NTM: variants seen among roughly 807,000 people sequenced by gnomAD.
NTM encodes neurotrimin.
In NTM, 13 loss-of-function variants were observed where a neutral mutation model predicts 42.1. The ratio of observed to expected loss-of-function variants is 0.31; its 90% CI spans 0.20 to 0.49. NTM has a LOEUF of 0.49. Ranked by LOEUF, NTM falls within the 20% of genes least tolerant of loss-of-function variation. NTM has a pLI of 0.99. For synonymous variants in NTM, 187 were observed against 179.2 expected, an observed-to-expected ratio of 1.04 and a Z score of -0.35; for missense variants, 373 against 452.8, an observed-to-expected ratio of 0.82 and a Z score of 1.60.
At chr11:132,267,957 A>C (rs1313814713) in intron 4 of NTM, among the ~76,000 whole-genome samples, 2 of 152,164 alleles carry the variant, frequency 1.3e-5, no homozygotes, top group African/African-American at 4.8e-5. Context: ...AAATAAACTA[A>C]TAGAAAGAAA....
chr11:131,558,986 T>C (rs2136979625), intron 1 of NTM, among the ~76,000 whole-genome samples: 1 of 152,322 alleles, frequency 6.6e-6, no homozygotes, highest in African/African-American at 2.4e-5. Context: ...TTAGTGAATT[T>C]CAATAATAGA....
At chr11:132,212,593 C>T (rs557636715) in intron 4 of NTM, among the ~76,000 whole-genome samples, 3 of 152,288 alleles carry the variant, frequency 2.0e-5, no homozygotes, top group East Asian at 1.9e-4. Flanking sequence ...AATCTGGTCA[C>T]GAGCTGTTTT....
At chr11:131,795,891 G>C (rs771022302) in intron 1 of NTM, 107 of 980,956 alleles carry the variant, frequency 1.1e-4, no homozygotes, top group Admixed American at 6.8e-4. Flanking sequence ...GCCTTGTCTA[G>C]TGTGGAGGGA....
chr11:131,754,733 A>G (rs2083097290), intron 1 of NTM, among the ~76,000 whole-genome samples: 1 of 152,242 alleles, frequency 6.6e-6, no homozygotes. Context: ...AGACTTGTAC[A>G]CAAATGTTCA....
At chr11:132,295,198 C>CT (rs1351333518) in intron 4 of NTM, among the ~76,000 whole-genome samples, 1 of 152,000 alleles carries the variant, frequency 6.6e-6, no homozygotes, top group African/African-American at 2.4e-5. Context: ...AATATACCCA[C>CT]TGTTTTCTTA....
chr11:131,507,602 T>G (rs1305514223), intron 1 of NTM, among the ~76,000 whole-genome samples: 1 of 150,456 alleles, frequency 6.6e-6, no homozygotes, highest in Non-Finnish European at 1.5e-5. Context: ...AGAAAGTCAT[T>G]GGTAGCTTGA....
intron 1 of NTM, among the ~76,000 whole-genome samples, chr11:131,544,816 T>C (rs886300132): frequency 6.6e-6 from 1 of 152,202 alleles, no homozygotes; most frequent in Non-Finnish European, 1.5e-5. Flanking sequence ...GCTCTATGTT[T>C]TGAGCCCTCC....
At chr11:131,962,089 C>T (rs2062248533) in intron 2 of NTM, among the ~76,000 whole-genome samples, 1 of 152,070 alleles carries the variant, frequency 6.6e-6, no homozygotes, top group South Asian at 2.1e-4. Flanking sequence ...ATCAGATTCC[C>T]TTCATTCTGA....
chr11:132,202,123 A>G (rs58061906), intron 3 of NTM, among the ~76,000 whole-genome samples: 7,134 of 152,092 alleles, frequency 0.047, 538 homozygotes, highest in African/African-American at 0.16. Context: ...GCTTGTATAC[A>G]TTTTGGCTGT....
At chr11:132,180,364 A>G (rs2077385797) in intron 3 of NTM, among the ~76,000 whole-genome samples, 1 of 152,126 alleles carries the variant, frequency 6.6e-6, no homozygotes, top group Admixed American at 6.5e-5. Context: ...GTGATGGATT[A>G]TTATTAAAGG....
In NTM at chr11:132,213,730, C is replaced by CTTTTTTT. The variant is rs59685389; in HGVS notation, c.526+1599_526+1605dup. Reference sequence around the variant, plus strand: ...CTGGGAGCTGTCCTGGGCCACCATTCTTTTTTTTTTTTTTTTTTTTTTGAG... The same window carrying CTTTTTTT: ...CTGGGAGCTGTCCTGGGCCACCATTCTTTTTTTTTTTTTTTTTTTTTTTTTTTTTGAG... On this transcript the variant is annotated intron_variant, in intron 4 of 8. Coordinates refer to ENST00000683400, the MANE Select transcript of NTM (RefSeq NM_001352005.2). Among the ~76,000 whole-genome samples, 20 of 80,538 alleles carry CTTTTTTT rather than the reference C, an allele frequency of 2.5e-4. 3 individuals are homozygous for CTTTTTTT. Among genetic ancestry groups the CTTTTTTT allele is most frequent in the East Asian group, 9.1e-4 (3 of 3,300 alleles). The allele number at this position is 80,538 out of a possible 152,430, so 52.8% of individuals were successfully genotyped here.
chr11:131,433,068 A>C (rs1424487926), intron 1 of NTM, among the ~76,000 whole-genome samples: 2 of 151,832 alleles, frequency 1.3e-5, no homozygotes, highest in Non-Finnish European at 2.9e-5. Flanking sequence ...CATGTTAGGC[A>C]GGATGTTCTC....
At chr11:131,684,460 C>T (rs1213595413) in intron 1 of NTM, among the ~76,000 whole-genome samples, 3 of 152,356 alleles carry the variant, frequency 2.0e-5, no homozygotes, top group East Asian at 1.9e-4. Flanking sequence ...GAGCTGCTGG[C>T]AGCATCCCCT....
In NTM at chr11:131,670,362, T is replaced by TCTTC. The variant is rs1365941574; in HGVS notation, c.83-241186_83-241183dup. 4.9e-4 allele frequency among the ~76,000 whole-genome samples: 75 copies of TCTTC among 151,972 alleles called. 1 individual carries two copies. Among genetic ancestry groups the TCTTC allele is most frequent in the East Asian group, 1.2e-3 (6 of 5,172 alleles). On this transcript the variant is annotated intron_variant, in intron 1 of 8. Coordinates refer to ENST00000683400, the MANE Select transcript of NTM (RefSeq NM_001352005.2). ...CTTTCTCTCCCTCTCTCTCTTACTTTCTTCCTTCCTTCCTTCCTTTCTTTC... is the reference window on the plus strand; with the variant it reads ...CTTTCTCTCCCTCTCTCTCTTACTTTCTTCCTTCCTTCCTTCCTTCCTTTCTTTC...
intron 1 of NTM, among the ~76,000 whole-genome samples, chr11:131,783,491 A>G (rs1452805924): frequency 6.6e-6 from 1 of 152,122 alleles, no homozygotes; most frequent in African/African-American, 2.4e-5. Context: ...AGCCATACAC[A>G]TATGTTCCAC....
At chr11:131,782,891 G>T (rs1377710213) in intron 1 of NTM, among the ~76,000 whole-genome samples, 2 of 152,044 alleles carry the variant, frequency 1.3e-5, no homozygotes, top group Non-Finnish European at 2.9e-5. Flanking sequence ...CGTAGAGGAC[G>T]GAATGAATAC....
intron 4 of NTM, among the ~76,000 whole-genome samples, chr11:132,224,217 G>A (rs908263553): frequency 6.6e-6 from 1 of 152,106 alleles, no homozygotes; most frequent in African/African-American, 2.4e-5. Flanking sequence ...TCTTGAGAAA[G>A]CTACCGAGGA....
intron 1 of NTM, among the ~76,000 whole-genome samples, chr11:131,425,910 T>C (rs1032231441): frequency 4.6e-5 from 7 of 152,100 alleles, no homozygotes; most frequent in Non-Finnish European, 8.8e-5. Flanking sequence ...AGTAGAGTTG[T>C]GTTGAGGAAG....
chr11:131,513,446 A>G (rs1330757557), intron 1 of NTM, among the ~76,000 whole-genome samples: 1 of 152,134 alleles, frequency 6.6e-6, no homozygotes, highest in Non-Finnish European at 1.5e-5. Context: ...AGAAAAAAAA[A>G]GTCCTTTGAA....
Sources: allele counts gnomAD v4.1 joint callset (sites outside exome capture counted in the v4.1 genomes callset), GRCh38; gene constraint gnomAD v4.1.1; transcripts MANE v1.5; gene names NCBI Gene and HGNC (gene_info 2026-07-23, HGNC 2026-07-21).